Variants in AIMP1 observed in about 807,000 individuals in gnomAD.
The protein encoded by AIMP1 is aminoacyl tRNA synthase complex-interacting multifunctional protein 1.
A neutral mutation model predicts 33.1 loss-of-function variants in AIMP1; 24 were observed. The ratio of observed to expected loss-of-function variants is 0.73; its 90% CI spans 0.53 to 1.02. The LOEUF (loss-of-function observed/expected upper bound fraction) is 1.02. Among genes scored for constraint, AIMP1 ranks in the 50% least tolerant of loss-of-function variants. The probability of loss-of-function intolerance (pLI) is 0.00; values close to 1 mark genes in which losing one functional copy is unlikely to be tolerated. For missense variants in AIMP1, 367 were observed against 364.8 expected, an observed-to-expected ratio of 1.01 and a Z score of -0.05; for synonymous variants, 120 against 121.5, an observed-to-expected ratio of 0.99 and a Z score of 0.08.
At chr4:106,346,721 A>G (rs1049856148) in intron 6 of AIMP1, among the ~76,000 whole-genome samples, 21 of 152,332 alleles carry the variant, frequency 1.4e-4, no homozygotes, top group African/African-American at 5.1e-4. Flanking sequence ...ATTTTGAAAC[A>G]TATTAAAGCA....
At chr4:106,317,254 C>T (rs1363085518) in intron 1 of AIMP1, among the ~76,000 whole-genome samples, 3 of 152,186 alleles carry the variant, frequency 2.0e-5, no homozygotes, top group African/African-American at 7.2e-5. Context: ...AGGGACCAGC[C>T]ATTGCAGAGG....
At position 106,348,270 on chromosome 4, in the gene AIMP1, A is replaced by G. The variant is rs972336678; in HGVS notation, c.*578A>G. 3 of 152,136 alleles carry G rather than the reference A, an allele frequency of 2.0e-5. No individual in the cohort carries two copies. The highest frequency in any genetic ancestry group is 2.9e-5 in the Non-Finnish European group (2 of 68,022). 9.4% of individuals were successfully genotyped at this position (152,136 alleles called of 1,614,324 possible). A position where few individuals can be genotyped will look rare whatever the true frequency, so the allele number is the denominator to read the frequency against. On this transcript the variant is annotated 3_prime_UTR_variant, in exon 7 of 7. Coordinates refer to ENST00000672341, the MANE Select transcript of AIMP1 (RefSeq NM_001142416.2). ...CCTGACTAATAATACAATAACAGCA[A>G]TTTTTTTAAAAAACTGAGATTTCCT...
Position 106,347,941 on chromosome 4 carries a change from G to T in AIMP1, c.*249G>T, listed in dbSNP as rs775324214. 5 of 326,932 alleles carry T rather than the reference G, an allele frequency of 1.5e-5. No individual in the cohort carries two copies. The highest frequency in any genetic ancestry group is 2.8e-5 in the Non-Finnish European group (5 of 177,134). 20.3% of individuals were successfully genotyped at this position (326,932 alleles called of 1,614,324 possible). On this transcript the variant is annotated 3_prime_UTR_variant, in exon 7 of 7. Transcript: ENST00000672341. ...TTTGTAATAATTTATTTTTTAGCAG[G>T]AATATTGATTAGCAGCTTTTTTTTC... is the stretch of plus-strand genomic sequence containing the variant.
Position 106,348,370 on chromosome 4 carries a change from G to A in AIMP1, c.*678G>A, listed in dbSNP as rs1656257987. ...ACTAGGTCTAAAGAATGAACACATT[G>A]TAAACAGTTGCCACAGTAGTTTCTA... On this transcript the variant is annotated 3_prime_UTR_variant, in exon 7 of 7. Coordinates refer to ENST00000672341, the MANE Select transcript of AIMP1 (RefSeq NM_001142416.2). 1.3e-5 allele frequency: 2 copies of A among 151,288 alleles called. No individual in the cohort carries two copies. Among genetic ancestry groups the A allele is most frequent in the East Asian group, 3.9e-4 (2 of 5,170 alleles). 9.4% of individuals were successfully genotyped at this position (151,288 alleles called of 1,614,324 possible).
intron 5 of AIMP1, among the ~76,000 whole-genome samples, chr4:106,335,427 C>T (rs1432953000): frequency 6.6e-6 from 1 of 151,124 alleles, no homozygotes; most frequent in Non-Finnish European, 1.5e-5. Flanking sequence ...CAAGATACAA[C>T]CTAAAATAAA....
At chr4:106,318,264 G>A (rs1769061190) in intron 1 of AIMP1, among the ~76,000 whole-genome samples, 1 of 152,176 alleles carries the variant, frequency 6.6e-6, no homozygotes, top group African/African-American at 2.4e-5. Flanking sequence ...GTCTTCAGAT[G>A]CATTGTTCTC....
chr4:106,324,822 C>G (rs565536928), intron 1 of AIMP1, among the ~76,000 whole-genome samples, 163 bp from the exon 2 acceptor site: 1 of 152,186 alleles, frequency 6.6e-6, no homozygotes, highest in Non-Finnish European at 1.5e-5. Context: ...AACATTTCTG[C>G]TATTTGTTTG....
chr4:106,345,893 A>G (rs981122412), intron 6 of AIMP1, among the ~76,000 whole-genome samples: 3 of 148,590 alleles, frequency 2.0e-5, no homozygotes, highest in South Asian at 2.1e-4. Context: ...AAATATAAAT[A>G]TAAAATATAT....
At position 106,349,137 on chromosome 4, in the gene AIMP1, G is replaced by T. The variant is rs774205827; in HGVS notation, c.*1445G>T. On this transcript the variant is annotated 3_prime_UTR_variant, in exon 7 of 7. Coordinates refer to ENST00000672341, the MANE Select transcript of AIMP1 (RefSeq NM_001142416.2). The stretch of plus-strand genomic sequence containing the variant: ...TATGAACTGAGCGTCATTAACAATT[G>T]TTGGTACCTAAACACAAAATGAATT... 6.6e-6 allele frequency: 1 copy of T among 152,002 alleles called. No homozygotes were observed. The highest frequency in any genetic ancestry group is 1.5e-5 in the Non-Finnish European group (1 of 68,002). 9.4% of individuals were successfully genotyped at this position (152,002 alleles called of 1,614,324 possible).
chr4:106,334,623 G>A (rs1318462941), intron 5 of AIMP1, among the ~76,000 whole-genome samples: 1 of 152,112 alleles, frequency 6.6e-6, no homozygotes, highest in Non-Finnish European at 1.5e-5. Flanking sequence ...GTATAAGGGA[G>A]TCAGAAATAT....
intron 1 of AIMP1, among the ~76,000 whole-genome samples, chr4:106,317,090 A>G (rs1047471774): frequency 6.6e-6 from 1 of 152,216 alleles, no homozygotes; most frequent in African/African-American, 2.4e-5. Context: ...ACTGTATTTT[A>G]GGTCGTGATA....
chr4:106,342,212 G>A (rs1770124765), intron 6 of AIMP1, among the ~76,000 whole-genome samples: 1 of 152,256 alleles, frequency 6.6e-6, no homozygotes, highest in East Asian at 1.9e-4. Flanking sequence ...GGTTTTTTAG[G>A]TACAGAATCA....
At chr4:106,327,653 C>A in intron 3 of AIMP1, 89 bp downstream of exon 3, 1 of 939,236 alleles carries the variant, frequency 1.1e-6, no homozygotes, top group Non-Finnish European at 1.6e-6. Flanking sequence ...GAATCTGTAT[C>A]TAGGCAACTT....
Position 106,319,253 on chromosome 4 carries a change from T to C in AIMP1, c.-26+2659T>C, listed in dbSNP as rs144717059. On this transcript the variant is annotated intron_variant, in intron 1 of 6. Coordinates refer to ENST00000672341, the MANE Select transcript of AIMP1 (RefSeq NM_001142416.2). Reference sequence around the variant, plus strand: ...CATCGTGGGGCAGAGATTTTGCTTTTTCAAAAAGATTGCAGGCAATTTAGA... The same window carrying C: ...CATCGTGGGGCAGAGATTTTGCTTTCTCAAAAAGATTGCAGGCAATTTAGA... Among the ~76,000 whole-genome samples, 53 of 152,300 alleles carry C rather than the reference T, an allele frequency of 3.5e-4. 1 individual carries two copies. The highest frequency in any genetic ancestry group is 1.2e-3 in the African/African-American group (49 of 41,574).
chr4:106,325,380 T>C (rs1306777863), intron 2 of AIMP1, among the ~76,000 whole-genome samples: 2 of 152,032 alleles, frequency 1.3e-5, no homozygotes, highest in East Asian at 3.9e-4. Context: ...AAATAAATGC[T>C]TTCCTACGTT....
intron 6 of AIMP1, among the ~76,000 whole-genome samples, chr4:106,339,511 C>A (rs901589929): frequency 7.2e-5 from 11 of 152,218 alleles, no homozygotes; most frequent in Admixed American, 7.2e-4. Flanking sequence ...TCCTCTTTAA[C>A]CTTCTGCCAT....
At chr4:106,338,961 T>C (rs1371859686) in intron 6 of AIMP1, among the ~76,000 whole-genome samples, 1 of 152,260 alleles carries the variant, frequency 6.6e-6, no homozygotes, top group East Asian at 1.9e-4. Context: ...TTTTGGAACT[T>C]TGAGGTTTGA....
At chr4:106,322,878 G>A (rs1246520555) in intron 1 of AIMP1, among the ~76,000 whole-genome samples, 1 of 151,882 alleles carries the variant, frequency 6.6e-6, no homozygotes, top group East Asian at 1.9e-4. Context: ...CGGCTATTTG[G>A]GAGGCTAAGG....
intron 2 of AIMP1, among the ~76,000 whole-genome samples, chr4:106,325,420 A>G (rs754396365): frequency 2.0e-5 from 3 of 151,952 alleles, no homozygotes; most frequent in Non-Finnish European, 2.9e-5. Context: ...AAAAACCTGT[A>G]TTTACTCTCC....
Sources: gnomAD v4.1 joint callset for allele counts (sites outside exome capture counted in the v4.1 genomes callset) on GRCh38, gnomAD v4.1.1 for gene constraint, MANE v1.5 for transcripts, NCBI Gene and HGNC (gene_info 2026-07-23, HGNC 2026-07-21) for gene names.